The following CBLB variants were observed in gnomAD, a reference collection of about 807,000 sequenced individuals.
CBLB encodes E3 ubiquitin-protein ligase CBL-B.
CBLB carries 31 observed loss-of-function variants against 104.9 expected under a neutral mutation model. That is an observed-to-expected ratio of 0.30 (90% CI 0.22 to 0.40). The LOEUF is 0.40. Among genes scored for constraint, CBLB ranks in the 10% least tolerant of loss-of-function variants. The pLI, the probability that CBLB is intolerant of heterozygous loss-of-function variation, is 1.00. For missense variants in CBLB, 1,062 were observed against 1,214.6 expected (o/e 0.87, Z 1.87); for synonymous variants, 440 against 422.6 (o/e 1.04, Z -0.51).
rs775048535 is a variant in CBLB at position 105,659,170 on chromosome 3, T to C, written c.2749A>G (p.Ile917Val). The change falls in exon 19 of 19, where the codon ATT (isoleucine) becomes GTT (valine). Residue 917 changes from isoleucine (I) to valine (V), a missense_variant. Coordinates refer to ENST00000394030, the MANE Select transcript of CBLB (RefSeq NM_170662.5). ...KPRPRRTAPEIHHRKPHGPEA... is the reference protein window; with the variant it reads ...KPRPRRTAPEVHHRKPHGPEA... ...GGCCCATGGGGTTTTCTGTGGTGAA[T>C]TTCTGGTGCAGTCCTGCGCGGTCGT... The C allele has an allele frequency of 6.2e-7, 1 of 1,614,054 alleles. No individual in the cohort carries two copies. Among genetic ancestry groups the C allele is most frequent in the Non-Finnish European group, 8.5e-7 (1 of 1,179,938 alleles).
chr3:105,680,546 T>C (rs2066190134), intron 16 of CBLB, among the ~76,000 whole-genome samples: 1 of 152,154 alleles, frequency 6.6e-6, no homozygotes. Flanking sequence ...AGAAAGACTG[T>C]AGGTAACAGA....
chr3:105,765,187 A>C (rs932482768), intron 4 of CBLB, among the ~76,000 whole-genome samples: 16 of 152,210 alleles, frequency 1.1e-4, no homozygotes, highest in Non-Finnish European at 7.4e-5. Context: ...ATGAAAGAAA[A>C]TGCTATCTAG....
chr3:105,861,626 C>T (rs930089576), intron 2 of CBLB, among the ~76,000 whole-genome samples: 13 of 151,246 alleles, frequency 8.6e-5, no homozygotes, highest in Non-Finnish European at 1.2e-4. Context: ...CATCCTTTCC[C>T]ATCAATCTTT....
chr3:105,869,299 G>A, upstream of CBLB: 1 of 1,072,688 alleles, frequency 9.3e-7, no homozygotes, highest in Non-Finnish European at 1.3e-6. Flanking sequence ...AACGGGAAAG[G>A]AAATGGACGA....
chr3:105,865,308 A>G (rs1014972622), intron 2 of CBLB, among the ~76,000 whole-genome samples: 1 of 152,244 alleles, frequency 6.6e-6, no homozygotes, highest in Non-Finnish European at 1.5e-5. Flanking sequence ...GAATTCTTTC[A>G]TAATAATTTA....
intron 3 of CBLB, among the ~76,000 whole-genome samples, chr3:105,797,529 A>G (rs115895543): frequency 1.1e-4 from 16 of 152,196 alleles, no homozygotes; most frequent in African/African-American, 3.9e-4. Flanking sequence ...TAATCTGTAC[A>G]CCAAACCCCC....
At chr3:105,864,803 T>G (rs1578009370) in intron 2 of CBLB, among the ~76,000 whole-genome samples, 2 of 152,184 alleles carry the variant, frequency 1.3e-5, no homozygotes, top group East Asian at 3.8e-4. Flanking sequence ...TAAAACTACA[T>G]ACTCACTAGA....
chr3:105,718,517 T>C (rs2072256385), intron 10 of CBLB, among the ~76,000 whole-genome samples: 1 of 152,124 alleles, frequency 6.6e-6, no homozygotes, highest in South Asian at 2.1e-4. Context: ...AAGAAATGCC[T>C]TGTCAAAATT....
chr3:105,751,330 G>A (rs937496710), intron 5 of CBLB, 132 bp downstream of exon 5: 5 of 744,026 alleles, frequency 6.7e-6, no homozygotes, highest in Non-Finnish European at 1.2e-5. Context: ...CAGACTAATA[G>A]GAATGACACT....
At chr3:105,781,594 G>A (rs1353595250) in intron 3 of CBLB, among the ~76,000 whole-genome samples, 1 of 152,100 alleles carries the variant, frequency 6.6e-6, no homozygotes, top group African/African-American at 2.4e-5. Flanking sequence ...TTTGATTAGT[G>A]GCCTCCACTA....
intron 3 of CBLB, among the ~76,000 whole-genome samples, chr3:105,844,834 T>C (rs2090028733): frequency 6.6e-6 from 1 of 152,178 alleles, no homozygotes; most frequent in Non-Finnish European, 1.5e-5. Context: ...CAAGCACTCT[T>C]GAGGCTATAG....
intron 4 of CBLB, among the ~76,000 whole-genome samples, chr3:105,768,803 A>C (rs935420407): frequency 6.6e-6 from 1 of 152,232 alleles, no homozygotes; most frequent in East Asian, 1.9e-4. Flanking sequence ...TATATGAATG[A>C]GAAAAACTCA....
chr3:105,758,470 G>A (rs1055823095), intron 4 of CBLB, among the ~76,000 whole-genome samples: 2 of 152,164 alleles, frequency 1.3e-5, no homozygotes, highest in African/African-American at 2.4e-5. Flanking sequence ...CACTTTTCCA[G>A]CCAGAAACCT....
At chr3:105,788,053 T>C (rs1342832948) in intron 3 of CBLB, among the ~76,000 whole-genome samples, 1 of 152,186 alleles carries the variant, frequency 6.6e-6, no homozygotes, top group East Asian at 1.9e-4. Flanking sequence ...TTGCTCTTGG[T>C]GAGGCAATGT....
At chr3:105,831,544 A>C (rs1178244824) in intron 3 of CBLB, among the ~76,000 whole-genome samples, 1 of 152,272 alleles carries the variant, frequency 6.6e-6, no homozygotes. Context: ...AAAAATGCTC[A>C]AGTTCTAGCA....
intron 9 of CBLB, among the ~76,000 whole-genome samples, chr3:105,731,756 G>A (rs2074341608): frequency 6.6e-6 from 1 of 152,256 alleles, no homozygotes; most frequent in East Asian, 1.9e-4. Flanking sequence ...TGCCTGGCCA[G>A]TAAACTATTT....
At chr3:105,844,300 A>C (rs973347687) in intron 3 of CBLB, among the ~76,000 whole-genome samples, 1 of 152,216 alleles carries the variant, frequency 6.6e-6, no homozygotes, top group Non-Finnish European at 1.5e-5. Flanking sequence ...CGTTTAAGCC[A>C]CCCAGTATGT....
chr3:105,781,810 T>A (rs2152976869), intron 3 of CBLB, among the ~76,000 whole-genome samples: 1 of 152,188 alleles, frequency 6.6e-6, no homozygotes, highest in South Asian at 2.1e-4. Flanking sequence ...AAATGGGAGG[T>A]GATACTTTTA....
intron 10 of CBLB, among the ~76,000 whole-genome samples, chr3:105,715,823 G>A (rs2152816172): frequency 6.6e-6 from 1 of 152,292 alleles, no homozygotes; most frequent in Non-Finnish European, 1.5e-5. Context: ...TGGATCACTT[G>A]AGGTCAGGAG....
Sources: allele counts gnomAD v4.1 joint callset (sites outside exome capture counted in the v4.1 genomes callset), GRCh38; gene constraint gnomAD v4.1.1; transcripts MANE v1.5; gene names NCBI Gene and HGNC (gene_info 2026-07-23, HGNC 2026-07-21).